SEH1L: variants seen among roughly 807,000 people sequenced by gnomAD.
The protein encoded by SEH1L is nucleoporin SEH1.
SEH1L carries 18 observed loss-of-function variants against 49.5 expected under a neutral mutation model. That is an observed-to-expected ratio of 0.36 (90% confidence interval 0.25 to 0.54). The LOEUF (loss-of-function observed/expected upper bound fraction) is 0.54. Ranked by LOEUF, SEH1L falls within the 20% of genes least tolerant of loss-of-function variation. The pLI is 0.87. For missense variants in SEH1L, 404 were observed against 528.8 expected (o/e 0.76, Z 2.31); for synonymous variants, 169 against 178.1 (o/e 0.95, Z 0.41).
chr18:12,975,177 A>T (rs2031867973), intron 5 of SEH1L, among the ~76,000 whole-genome samples: 1 of 151,912 alleles, frequency 6.6e-6, no homozygotes, highest in African/African-American at 2.4e-5. Flanking sequence ...GTTTTAGTAG[A>T]GATGGGGTTT....
chr18:12,986,804 T>TG, intron 8 of SEH1L, 58 bp from the exon 9 acceptor site: 1 of 1,154,724 alleles, frequency 8.7e-7, no homozygotes. Context: ...TTTTCTTGTG[T>TG]TTTTTTTTTC....
intron 5 of SEH1L, chr18:12,972,479 T>C (rs2031744091): frequency 6.6e-6 from 1 of 152,230 alleles, no homozygotes; most frequent in South Asian, 2.1e-4. Context: ...AGAGGCACAC[T>C]ACTCAGTCTT....
intron 3 of SEH1L, among the ~76,000 whole-genome samples, chr18:12,962,685 C>CTGG (rs2031246758): frequency 6.6e-6 from 1 of 150,692 alleles, no homozygotes; most frequent in South Asian, 2.1e-4. Flanking sequence ...GTAGCCCAGG[C>CTGG]TGGTCTTGAA....
chr18:12,959,068 T>C (rs2031044047), intron 3 of SEH1L, among the ~76,000 whole-genome samples: 2 of 152,234 alleles, frequency 1.3e-5, no homozygotes, highest in South Asian at 4.1e-4. Context: ...GGCATCTCCA[T>C]TGTGGTTCTG....
At chr18:12,980,433 C>T (rs1456252736) in intron 6 of SEH1L, among the ~76,000 whole-genome samples, 53 of 85,380 alleles carry the variant, frequency 6.2e-4, no homozygotes, top group Middle Eastern at 0.013. Context: ...ACCCCCCAAC[C>T]TCCCTCCCGG....
chr18:12,980,607 G>A (rs1259965759), intron 6 of SEH1L, among the ~76,000 whole-genome samples: 1 of 131,758 alleles, frequency 7.6e-6, no homozygotes, highest in Non-Finnish European at 1.6e-5. Context: ...CAGCTGGCCG[G>A]GCAGAGGGGC....
At chr18:12,985,300 C>T in intron 8 of SEH1L, 1 of 1,598,054 alleles carries the variant, frequency 6.3e-7, no homozygotes. Context: ...TTGTTGCATG[C>T]ACACAGGAAT....
chr18:12,979,958 G>A (rs2032112991), intron 6 of SEH1L, among the ~76,000 whole-genome samples: 1 of 129,742 alleles, frequency 7.7e-6, no homozygotes, highest in Non-Finnish European at 1.6e-5. Context: ...CCGGGCAGAG[G>A]TGCCCCTCAC....
At chr18:12,955,158 A>T (rs1423224124) in intron 2 of SEH1L, among the ~76,000 whole-genome samples, 3 of 151,380 alleles carry the variant, frequency 2.0e-5, no homozygotes, top group African/African-American at 7.3e-5. Flanking sequence ...TCCAACTATC[A>T]GCACTGGAAG....
intron 4 of SEH1L, among the ~76,000 whole-genome samples, chr18:12,963,984 A>G (rs939586218): frequency 4.6e-5 from 7 of 152,208 alleles, no homozygotes; most frequent in Non-Finnish European, 8.8e-5. Context: ...GAGTGCTGGG[A>G]TGACAGGCGT....
chr18:12,977,103 A>G (rs2145653851), intron 5 of SEH1L: 1 of 152,370 alleles, frequency 6.6e-6, no homozygotes, highest in Non-Finnish European at 1.5e-5. Context: ...GAGATTGCTT[A>G]GGGTGATTGG....
intron 4 of SEH1L, among the ~76,000 whole-genome samples, chr18:12,965,273 A>C (rs975126914): frequency 4.6e-5 from 7 of 151,992 alleles, no homozygotes; most frequent in Admixed American, 1.3e-4. Context: ...CGGCCTCCCA[A>C]ACTGCTGGGA....
chr18:12,986,769 C>G (rs1358483508), intron 8 of SEH1L, 93 bp from the exon 9 acceptor site: 8 of 1,172,608 alleles, frequency 6.8e-6, no homozygotes, highest in Non-Finnish European at 3.2e-6. Flanking sequence ...CTCTTTGGTT[C>G]TCTTTGTATT....
At chr18:12,980,765 G>A in intron 6 of SEH1L, among the ~76,000 whole-genome samples, 2 of 31,426 alleles carry the variant, frequency 6.4e-5, no homozygotes, top group South Asian at 1.5e-3. Context: ...CCCAGTAGGG[G>A]CGGCCGGGCA....
chr18:12,954,330 A>G (rs2030725748), intron 2 of SEH1L, among the ~76,000 whole-genome samples: 1 of 152,184 alleles, frequency 6.6e-6, no homozygotes, highest in Admixed American at 6.5e-5. Context: ...CCCTTGGCCA[A>G]CAGGAGGGGT....
chr18:12,969,375 GA>G (rs2031595105), intron 4 of SEH1L, among the ~76,000 whole-genome samples: 1 of 151,790 alleles, frequency 6.6e-6, no homozygotes, highest in African/African-American at 2.4e-5. Flanking sequence ...GCAACATAGT[GA>G]GACTCCAGTC....
chr18:12,959,775 A>C (rs958730834), intron 3 of SEH1L, among the ~76,000 whole-genome samples: 1 of 152,202 alleles, frequency 6.6e-6, no homozygotes, highest in African/African-American at 2.4e-5. Flanking sequence ...TATATCCAGG[A>C]AAGCATTGCC....
chr18:12,977,654 G>A (rs1297371965), intron 5 of SEH1L: 2 of 152,068 alleles, frequency 1.3e-5, no homozygotes, highest in Non-Finnish European at 2.9e-5. Flanking sequence ...AACTCAGGAG[G>A]CGGAGGTTTC....
chr18:12,948,344 G>T (rs1446811568), intron 1 of SEH1L, 112 bp downstream of exon 1: 7 of 775,954 alleles, frequency 9.0e-6, no homozygotes, highest in Non-Finnish European at 1.5e-5. Context: ...TGGAAGCTGT[G>T]GGGTGGCGGG....
Sources: allele counts gnomAD v4.1 joint callset (sites outside exome capture counted in the v4.1 genomes callset), GRCh38; gene constraint gnomAD v4.1.1; transcripts MANE v1.5; gene names NCBI Gene and HGNC (gene_info 2026-07-23, HGNC 2026-07-21).